NSD2: variants seen among roughly 807,000 people sequenced by gnomAD.
The protein encoded by NSD2 is histone-lysine N-methyltransferase NSD2.
In NSD2, 12 loss-of-function variants were observed where a neutral mutation model predicts 139.0. That is an observed-to-expected ratio of 0.09 (90% CI 0.06 to 0.14). The LOEUF (loss-of-function observed/expected upper bound fraction) is 0.14, where lower values mean the gene tolerates loss of function less well. Ranked by LOEUF, NSD2 falls within the 10% of genes least tolerant of loss-of-function variation. The pLI is 1.00. For missense variants in NSD2, 1,155 were observed against 1,745.0 expected, an observed-to-expected ratio of 0.66 and a Z score of 6.02; for synonymous variants, 669 against 648.7, an observed-to-expected ratio of 1.03 and a Z score of -0.48.
At chr4:1,891,094 A>G (rs1715500251) in intron 1 of NSD2, among the ~76,000 whole-genome samples, 1 of 152,106 alleles carries the variant, frequency 6.6e-6, no homozygotes, top group African/African-American at 2.4e-5. Context: ...GGATTTTGCC[A>G]TGTTGTCCAG....
rs1727485692 is a variant in NSD2 at position 1,979,145 on chromosome 4, ACTC to A, written c.*240_*242del. ...TCAGCGTTCCTGGACAAACAGCCTC[ACTC>A]CTCAGCGTTACCGCCACACTTGAAT... On this transcript the variant is annotated 3_prime_UTR_variant, in exon 22 of 22. Coordinates refer to ENST00000508803, the MANE Select transcript of NSD2 (RefSeq NM_001042424.3). The A allele has an allele frequency of 1.4e-5, 6 of 435,562 alleles. No homozygotes were observed. In the East Asian group the frequency reaches 2.1e-4, roughly 15 times the overall value. The allele number at this position is 435,562 out of a possible 1,614,324, so 27.0% of individuals were successfully genotyped here. A position where few individuals can be genotyped will look rare whatever the true frequency, so the allele number is the denominator to read the frequency against.
intron 2 of NSD2, 104 bp downstream of exon 2, chr4:1,901,355 G>A (rs1223764098): frequency 1.9e-6 from 2 of 1,039,562 alleles, no homozygotes; most frequent in Non-Finnish European, 2.8e-6. Flanking sequence ...GAGAAGGTGA[G>A]GACAGGCCTG....
In NSD2 at chr4:1,955,692, G is replaced by A; in HGVS notation, c.2519-1G>A. 6.2e-7 allele frequency: 1 copy of A among 1,610,964 alleles called. No homozygotes were observed. On this transcript the variant is annotated splice_acceptor_variant, in intron 13 of 21. Coordinates refer to ENST00000508803, the MANE Select transcript of NSD2 (RefSeq NM_001042424.3). LOFTEE classifies it high-confidence loss of function. The surrounding 1 kb of genome is among the most constrained non-coding windows in gnomAD (Gnocchi z 4.7). ...CTGGCCGCCTCGCCCTCCTCTTGCAGGGGGGAGCCTTCTGTGCTGTGAGTC... is the reference window on the plus strand; with the variant it reads ...CTGGCCGCCTCGCCCTCCTCTTGCAAGGGGGAGCCTTCTGTGCTGTGAGTC...
chr4:1,975,468 T>C (rs2109022115), intron 20 of NSD2, 68 bp downstream of exon 20: 1 of 1,439,266 alleles, frequency 6.9e-7, no homozygotes, highest in Non-Finnish European at 9.7e-7. Flanking sequence ...GAGACCTGTG[T>C]CCCCCGTGAA....
At position 1,980,366 on chromosome 4, in the gene NSD2, T is replaced by A. The variant is rs1727636918; in HGVS notation, c.*1457T>A. ...TGCCCACGTGTCCTGAGGGGCTGCT[T>A]GTCTGGGAGGGAGGGAGAGAACATT... On this transcript the variant is annotated 3_prime_UTR_variant, in exon 22 of 22. Coordinates refer to ENST00000508803, the MANE Select transcript of NSD2 (RefSeq NM_001042424.3). The A allele has an allele frequency of 4.3e-6, 1 of 233,074 alleles. No homozygotes were observed. The highest frequency in any genetic ancestry group is 8.5e-6 in the Non-Finnish European group (1 of 118,014). 14.4% of individuals were successfully genotyped at this position (233,074 alleles called of 1,614,324 possible).
chr4:1,966,902 G>A (rs1176805473), intron 18 of NSD2, among the ~76,000 whole-genome samples: 1 of 152,128 alleles, frequency 6.6e-6, no homozygotes, highest in African/African-American at 2.4e-5. Context: ...GGGTTTTTAT[G>A]TTATTGAAGT....
intron 5 of NSD2, among the ~76,000 whole-genome samples, chr4:1,926,903 G>A (rs1311155083): frequency 6.6e-6 from 1 of 152,120 alleles, no homozygotes; most frequent in Non-Finnish European, 1.5e-5. Flanking sequence ...TGCATAACAT[G>A]TTACCTCAAA....
chr4:1,979,173 T>C lies in NSD2; in HGVS notation c.*264T>C, dbSNP rs890954707. The C allele has an allele frequency of 2.6e-6, 1 of 391,320 alleles. No homozygotes were observed. Among genetic ancestry groups the C allele is most frequent in the African/African-American group, 2.1e-5 (1 of 48,514 alleles). The allele number at this position is 391,320 out of a possible 1,614,324, so 24.2% of individuals were successfully genotyped here. ...CCTCAGCGTTACCGCCACACTTGAA[T>C]TTCTCCGAATGTCAAGGTTCCCTCC... On this transcript the variant is annotated 3_prime_UTR_variant, in exon 22 of 22. Coordinates refer to ENST00000508803, the MANE Select transcript of NSD2 (RefSeq NM_001042424.3).
rs1725013757 is a variant in NSD2, at chr4:1,958,092, G to A, written c.2985+56G>A. ...GGAGGGAGTCTTCCCCGAGGGCCGTGAGAGGTTCTTAGGCACACCCAGGCT... is the reference window on the plus strand; with the variant it reads ...GGAGGGAGTCTTCCCCGAGGGCCGTAAGAGGTTCTTAGGCACACCCAGGCT... On this transcript the variant is annotated intron_variant, in intron 16 of 21. Coordinates refer to ENST00000508803, the MANE Select transcript of NSD2 (RefSeq NM_001042424.3). The surrounding 1 kb of genome is among the most constrained non-coding windows in gnomAD (Gnocchi z 4.6). The A allele has an allele frequency of 6.4e-7, 1 of 1,570,212 alleles. No homozygotes were observed. The highest frequency in any genetic ancestry group is 1.1e-5 in the South Asian group (1 of 88,784).
Position 1,975,202 on chromosome 4 carries a change from A to G in NSD2, c.3515-92A>G, listed in dbSNP as rs367660898. ...AAGCCAGTACAGATACAAAAATAAT[A>G]AGAGTATTTTTGTTGACCTAATACA... On this transcript the variant is annotated intron_variant, in intron 19 of 21. Coordinates refer to ENST00000508803, the MANE Select transcript of NSD2 (RefSeq NM_001042424.3). The G allele has an allele frequency of 7.1e-6, 10 of 1,414,232 alleles. No homozygotes were observed. In the East Asian group the frequency reaches 1.8e-4, roughly 26 times the overall value. The allele number at this position is 1,414,232 out of a possible 1,614,324, so 87.6% of individuals were successfully genotyped here.
intron 9 of NSD2, chr4:1,944,072 G>T: frequency 9.4e-7 from 1 of 1,066,218 alleles, no homozygotes; most frequent in Non-Finnish European, 1.1e-6. Context: ...GGGAATGATA[G>T]TGTATCTCAG....
chr4:1,933,031 G>C (rs1335180563), intron 6 of NSD2, among the ~76,000 whole-genome samples: 1 of 152,182 alleles, frequency 6.6e-6, no homozygotes, highest in African/African-American at 2.4e-5. Flanking sequence ...TCCTGCTGCC[G>C]AGCATTCCAC....
chr4:1,944,082 G>T, intron 9 of NSD2: 1 of 1,066,294 alleles, frequency 9.4e-7, no homozygotes, highest in African/African-American at 1.6e-5. Context: ...GTGTATCTCA[G>T]CGGGGGGTGG....
rs553851592 is a variant in NSD2 at position 1,953,533 on chromosome 4, G to A, written c.2338+9G>A. 6.3e-7 allele frequency: 1 copy of A among 1,597,196 alleles called. No individual in the cohort carries two copies. Among genetic ancestry groups the A allele is most frequent in the South Asian group, 1.1e-5 (1 of 88,764 alleles). ...CCCAAGGCCGTCAAAAGGTACAGGT[G>A]CACCTGCGCAGCCTTGCTGTGGGTT... On this transcript the variant is annotated intron_variant, in intron 12 of 21. Coordinates refer to ENST00000508803, the MANE Select transcript of NSD2 (RefSeq NM_001042424.3).
intron 11 of NSD2, chr4:1,952,985 G>A (rs1724436620): frequency 5.6e-6 from 8 of 1,436,410 alleles, no homozygotes; most frequent in Middle Eastern, 5.1e-4. Context: ...CTCCACCACT[G>A]GCCAGCTGCT....
intron 3 of NSD2, among the ~76,000 whole-genome samples, chr4:1,908,673 A>G (rs1718259606): frequency 6.6e-6 from 1 of 152,162 alleles, no homozygotes; most frequent in South Asian, 2.1e-4. Flanking sequence ...CACCCCTGGT[A>G]GGCGATGACC....
At chr4:1,977,523 C>T (rs1727220794) in intron 21 of NSD2, among the ~76,000 whole-genome samples, 1 of 152,152 alleles carries the variant, frequency 6.6e-6, no homozygotes, top group African/African-American at 2.4e-5. Context: ...TGCCTGTAAT[C>T]CCAGTACTTT....
chr4:1,883,236 A>G (rs528225715), intron 1 of NSD2, among the ~76,000 whole-genome samples: 7 of 152,176 alleles, frequency 4.6e-5, no homozygotes, highest in Non-Finnish European at 1.0e-4. Flanking sequence ...CAGAAACAAG[A>G]GAAAGCCCAT....
intron 18 of NSD2, among the ~76,000 whole-genome samples, chr4:1,968,733 C>T (rs539975660): frequency 7.9e-5 from 12 of 152,178 alleles, no homozygotes; most frequent in African/African-American, 2.9e-4. Context: ...ATAGTAACAA[C>T]AAGGAAAGGC....
Sources: gnomAD v4.1 joint callset for allele counts (sites outside exome capture counted in the v4.1 genomes callset) on GRCh38, gnomAD v4.1.1 for gene constraint, Gnocchi (gnomAD v3.1) non-coding constraint, MANE v1.5 for transcripts, NCBI Gene and HGNC (gene_info 2026-07-23, HGNC 2026-07-21) for gene names.